Variants in SKOR2 observed in about 807,000 individuals in gnomAD.
SKOR2 encodes SKI family transcriptional corepressor 2.
A neutral mutation model predicts 69.1 loss-of-function variants in SKOR2; 47 were observed. The observed-to-expected ratio is 0.68, with a 90% CI of 0.54 to 0.87. SKOR2 has a LOEUF of 0.87. Among genes scored for constraint, SKOR2 ranks in the 40% least tolerant of loss-of-function variants. The pLI, the probability that SKOR2 is intolerant of heterozygous loss-of-function variation, is 0.00. For missense variants in SKOR2, 1,404 were observed against 1,472.2 expected (o/e 0.95, Z 0.76); for synonymous variants, 717 against 672.6 (o/e 1.07, Z -1.02).
intron 4 of SKOR2, among the ~76,000 whole-genome samples, chr18:47,243,965 G>A (rs2064259975): frequency 1.3e-5 from 2 of 152,108 alleles, no homozygotes; most frequent in South Asian, 4.2e-4. Context: ...GAAATAATTT[G>A]GAAATATCTG....
In SKOR2 at chr18:47,251,019, G is replaced by GAC. The variant is rs2064310152; in HGVS notation, c.-48+354_-48+355insGT. Among the ~76,000 whole-genome samples the GAC allele has an allele frequency of 2.2e-4, 33 of 151,488 alleles. 1 individual carries two copies. In the South Asian group the frequency reaches 6.9e-3, roughly 32 times the overall value. ...TCTGCGTTAAGGACTCGCAGCCTTA[G>GAC]CAGCAGTAGACCAGGCAGAAGTGTC... On this transcript the variant is annotated intron_variant, in intron 1 of 8. Transcript: ENST00000425639.
intron 4 of SKOR2, among the ~76,000 whole-genome samples, chr18:47,237,330 T>A (rs1176792239): frequency 2.0e-5 from 3 of 152,254 alleles, no homozygotes; most frequent in African/African-American, 7.2e-5. Context: ...CAGCACTAAA[T>A]TTTAACCATG....
intron 6 of SKOR2, among the ~76,000 whole-genome samples, chr18:47,223,082 C>G (rs1600029838): frequency 6.6e-6 from 1 of 152,106 alleles, no homozygotes; most frequent in East Asian, 1.9e-4. Context: ...AGATTAAACT[C>G]CCCAAACATA....
chr18:47,247,068 G>T lies in SKOR2; in HGVS notation c.2116C>A (p.Pro706Thr), dbSNP rs2064279305. ...CGGTGGTGCGGGTGCTGGGCCAGAG[G>T]GGGCGGCGGGGGCGGCGGCGGCGGC... ...PPPPPPPPPP[P>T]LAQHPHHRGL... is the part of the protein sequence containing the mutation. The change falls in exon 2 of 9, where the codon CCT becomes ACT. Residue 706 changes from proline to threonine, a missense_variant. Coordinates refer to ENST00000425639, the MANE Select transcript of SKOR2 (RefSeq NM_001278063.4). This position sits in a 1 kb window ranked among gnomAD's most constrained non-coding sequence, Gnocchi z 6.6. The T allele has an allele frequency of 3.6e-6, 5 of 1,393,202 alleles. No homozygotes were observed. Among genetic ancestry groups the T allele is most frequent in the Admixed American group, 3.0e-5 (1 of 33,148 alleles). The allele number at this position is 1,393,202 out of a possible 1,614,324, so 86.3% of individuals were successfully genotyped here. A position where few individuals can be genotyped will look rare whatever the true frequency, so the allele number is the denominator to read the frequency against.
intron 4 of SKOR2, chr18:47,231,270 T>C: frequency 1.8e-6 from 2 of 1,104,792 alleles, no homozygotes; most frequent in East Asian, 2.6e-5. Context: ...TCCAACCCCC[T>C]ACCGCCATCC....
intron 4 of SKOR2, among the ~76,000 whole-genome samples, chr18:47,232,385 A>G (rs2064203165): frequency 6.6e-6 from 1 of 152,228 alleles, no homozygotes; most frequent in African/African-American, 2.4e-5. Flanking sequence ...GAGTCTACAA[A>G]TCTGGTCTAA....
At chr18:47,218,402 C>T (rs530808552) in intron 7 of SKOR2, among the ~76,000 whole-genome samples, 14 of 151,768 alleles carry the variant, frequency 9.2e-5, no homozygotes, top group Admixed American at 1.3e-4. Context: ...CCACCCTGGG[C>T]AACACAGAAA....
chr18:47,243,099 C>T (rs1198701522), intron 4 of SKOR2, among the ~76,000 whole-genome samples: 1 of 152,176 alleles, frequency 6.6e-6, no homozygotes, highest in South Asian at 2.1e-4. Flanking sequence ...TGTGACATTG[C>T]TTTTAAACTT....
At chr18:47,239,982 T>TA (rs34540516) in intron 4 of SKOR2, among the ~76,000 whole-genome samples, 55,217 of 151,810 alleles carry the variant, frequency 0.36, 10,816 homozygotes, top group Middle Eastern at 0.46. Context: ...TGCTTTTTTT[T>TA]AAAAAAATCA....
chr18:47,209,409 C>G (rs534858211), intron 8 of SKOR2, among the ~76,000 whole-genome samples: 1 of 152,134 alleles, frequency 6.6e-6, no homozygotes, highest in East Asian at 1.9e-4. Context: ...ATTTTGTAAT[C>G]TCTCTTGGGG....
In SKOR2 at chr18:47,248,789, C is replaced by T. The variant is rs1205342062; in HGVS notation, c.395G>A (p.Gly132Asp). The T allele has an allele frequency of 6.4e-7, 1 of 1,552,350 alleles. No individual in the cohort carries two copies. Among genetic ancestry groups the T allele is most frequent in the South Asian group, 1.2e-5 (1 of 85,418 alleles). Residue 132 changes from glycine to aspartate, a missense_variant, in exon 2 of 9, where the codon GGC becomes GAC. This residue lies in a region of SKOR2 where 1,266 missense variants were observed against 1,309.9 expected (regional missense o/e 0.97). Transcript: ENST00000425639. This position sits in a 1 kb window ranked among gnomAD's most constrained non-coding sequence, Gnocchi z 6.4. ...TGGCAGCTTGGGCGGCCTGTTTTCG[C>T]CCAGGAACGACTTGCACAGACGCTC... ...EAERLCKSFL[G>D]ENRPPKLPDN...
chr18:47,239,991 C>T (rs1057129394), intron 4 of SKOR2, among the ~76,000 whole-genome samples: 2 of 149,868 alleles, frequency 1.3e-5, no homozygotes, highest in Admixed American at 1.3e-4. Context: ...TTAAAAAAAT[C>T]ATAAGCATGT....
intron 6 of SKOR2, among the ~76,000 whole-genome samples, chr18:47,221,884 AAC>A (rs1423833641): frequency 1.3e-5 from 2 of 152,190 alleles, no homozygotes; most frequent in African/African-American, 4.8e-5. Context: ...GAGGAGTAAA[AAC>A]ACACAGAATT....
At chr18:47,223,232 G>T (rs1405063917) in intron 6 of SKOR2, among the ~76,000 whole-genome samples, 1 of 152,082 alleles carries the variant, frequency 6.6e-6, no homozygotes, top group East Asian at 1.9e-4. Context: ...TATGGGGAGA[G>T]AATATAAATG....
In SKOR2 at chr18:47,247,302, C is replaced by A; in HGVS notation, c.1882G>T (p.Gly628Cys). The stretch of plus-strand genomic sequence containing the variant: ...AGGCTCTCCGCGTCGTCCTTGCCGC[C>A]CACTGGCCGGAAGGCGCTGGAATGG... ...YHHSSAFRPVGGKDDAESLAK... is the reference protein window; with the variant it reads ...YHHSSAFRPVCGKDDAESLAK... Residue 628 changes from glycine to cysteine, a missense_variant, in exon 2 of 9, where the codon GGC becomes TGC. Coordinates refer to ENST00000425639, the MANE Select transcript of SKOR2 (RefSeq NM_001278063.4). The surrounding 1 kb of genome is among the most constrained non-coding windows in gnomAD (Gnocchi z 6.6). 6.7e-7 allele frequency: 1 copy of A among 1,483,022 alleles called. No homozygotes were observed. The allele number at this position is 1,483,022 out of a possible 1,614,324, so 91.9% of individuals were successfully genotyped here. A position where few individuals can be genotyped will look rare whatever the true frequency, so the allele number is the denominator to read the frequency against.
At chr18:47,211,154 C>T (rs531258603) in intron 8 of SKOR2, among the ~76,000 whole-genome samples, 1 of 152,262 alleles carries the variant, frequency 6.6e-6, no homozygotes, top group Admixed American at 6.5e-5. Flanking sequence ...CATGAGCCTG[C>T]ACAGTTCTTT....
At position 47,247,274 on chromosome 18, in the gene SKOR2, G is replaced by A; in HGVS notation, c.1910C>T (p.Ala637Val). Residue 637 changes from alanine (A) to valine (V), a missense_variant, in exon 2 of 9, where the codon GCC becomes GTC. Coordinates refer to ENST00000425639, the MANE Select transcript of SKOR2 (RefSeq NM_001278063.4). This position sits in a 1 kb window ranked among gnomAD's most constrained non-coding sequence, Gnocchi z 6.6. Reference protein sequence around the residue: ...VGGKDDAESLAKLHGASAGAP... With the variant: ...VGGKDDAESLVKLHGASAGAP... ...GCCCGCCGACGCCCCGTGCAGCTTG[G>A]CCAGGCTCTCCGCGTCGTCCTTGCC... 6.7e-7 allele frequency: 1 copy of A among 1,482,512 alleles called. No individual in the cohort carries two copies. Among genetic ancestry groups the A allele is most frequent in the South Asian group, 1.3e-5 (1 of 79,746 alleles). The allele number at this position is 1,482,512 out of a possible 1,614,324, so 91.8% of individuals were successfully genotyped here. A position where few individuals can be genotyped will look rare whatever the true frequency, so the allele number is the denominator to read the frequency against.
At chr18:47,239,578 A>G (rs1326921109) in intron 4 of SKOR2, among the ~76,000 whole-genome samples, 4 of 152,216 alleles carry the variant, frequency 2.6e-5, no homozygotes, top group South Asian at 2.1e-4. Context: ...GTGCGTCTCG[A>G]GTTCATTTAG....
At position 47,211,649 on chromosome 18, in the gene SKOR2, G is replaced by A. The variant is rs117193316; in HGVS notation, c.*3+437C>T. On this transcript the variant is annotated intron_variant, in intron 8 of 8. Coordinates refer to ENST00000425639, the MANE Select transcript of SKOR2 (RefSeq NM_001278063.4). ...GCAGAAGGTCTCAAAGGTCTGTATT[G>A]TCCCCAGTTGTTCATATTACCACCT... is the stretch of plus-strand genomic sequence containing the variant. Among the ~76,000 whole-genome samples, 1,441 of 152,244 alleles carry A rather than the reference G, an allele frequency of 9.5e-3. 10 individuals carry two copies. The highest frequency in any genetic ancestry group is 0.014 in the Non-Finnish European group (932 of 68,012).
Sources: gnomAD v4.1 joint callset for allele counts (sites outside exome capture counted in the v4.1 genomes callset) on GRCh38, gnomAD v4.1.1 for gene constraint, gnomAD v4.1.1 regional missense constraint, Gnocchi (gnomAD v3.1) non-coding constraint, MANE v1.5 for transcripts, NCBI Gene and HGNC (gene_info 2026-07-23, HGNC 2026-07-21) for gene names.